Variants in LMX1A observed in about 807,000 individuals in gnomAD.
The protein encoded by LMX1A is LIM homeobox transcription factor 1 alpha.
Under a neutral mutation model 49.1 loss-of-function variants are expected in LMX1A, and 15 were observed. That is an observed-to-expected ratio of 0.31 (90% CI 0.20 to 0.47). The LOEUF (loss-of-function observed/expected upper bound fraction) is 0.47. LMX1A is among the 20% of genes least tolerant of loss of function. The probability of loss-of-function intolerance (pLI) is 1.00; values close to 1 mark genes in which losing one functional copy is unlikely to be tolerated. For synonymous variants in LMX1A, 167 were observed against 185.7 expected (o/e 0.90, Z 0.82); for missense variants, 372 against 475.8 (o/e 0.78, Z 2.03).
chr1:165,285,621 G>A (rs1431709250), intron 3 of LMX1A, among the ~76,000 whole-genome samples: 1 of 152,182 alleles, frequency 6.6e-6, no homozygotes, highest in Non-Finnish European at 1.5e-5. Flanking sequence ...AGGACCAGCT[G>A]TTCACCATCT....
intron 3 of LMX1A, among the ~76,000 whole-genome samples, chr1:165,329,673 T>TA (rs1193916874): frequency 6.7e-6 from 1 of 149,838 alleles, no homozygotes; most frequent in Non-Finnish European, 1.5e-5. Flanking sequence ...AATAAGAGGT[T>TA]AAAAAAATCA....
At chr1:165,228,704 T>C (rs1210030009) in intron 4 of LMX1A, among the ~76,000 whole-genome samples, 1 of 152,224 alleles carries the variant, frequency 6.6e-6, no homozygotes. Context: ...AGTTAGGTAA[T>C]AAGACATGGC....
chr1:165,322,496 A>G (rs1030362637), intron 3 of LMX1A, among the ~76,000 whole-genome samples: 1 of 152,234 alleles, frequency 6.6e-6, no homozygotes, highest in Non-Finnish European at 1.5e-5. Context: ...ACTTACCCAT[A>G]AAAAGGAACG....
intron 3 of LMX1A, among the ~76,000 whole-genome samples, chr1:165,330,116 C>T (rs905977698): frequency 1.3e-5 from 2 of 152,202 alleles, no homozygotes. Context: ...TATTATTATT[C>T]TCTTTTTACA....
intron 3 of LMX1A, among the ~76,000 whole-genome samples, chr1:165,256,130 G>A (rs575525498): frequency 6.6e-6 from 1 of 152,322 alleles, no homozygotes; most frequent in Admixed American, 6.5e-5. Flanking sequence ...GGTGCAGGCA[G>A]AACATGCTCC....
intron 3 of LMX1A, among the ~76,000 whole-genome samples, chr1:165,293,246 A>C (rs1654527592): frequency 6.6e-6 from 1 of 152,212 alleles, no homozygotes; most frequent in Admixed American, 6.5e-5. Flanking sequence ...GTGTTCCTTC[A>C]ATTTGAGTTT....
At chr1:165,327,431 G>A (rs1268929597) in intron 3 of LMX1A, among the ~76,000 whole-genome samples, 1 of 152,224 alleles carries the variant, frequency 6.6e-6, no homozygotes, top group Admixed American at 6.5e-5. Context: ...GCCTGACTTA[G>A]AGAAAGAGCT....
At chr1:165,240,853 C>T (rs564956488) in intron 4 of LMX1A, among the ~76,000 whole-genome samples, 1 of 152,306 alleles carries the variant, frequency 6.6e-6, no homozygotes, top group East Asian at 1.9e-4. Flanking sequence ...GCACAGAGAG[C>T]TCCATCCCCA....
intron 3 of LMX1A, among the ~76,000 whole-genome samples, chr1:165,283,407 G>A (rs1418673897): frequency 6.6e-6 from 1 of 152,186 alleles, no homozygotes; most frequent in African/African-American, 2.4e-5. Flanking sequence ...ACACATGACT[G>A]TATGTCAAGC....
At chr1:165,206,590 T>C (rs1651090785) in intron 7 of LMX1A, among the ~76,000 whole-genome samples, 2 of 152,196 alleles carry the variant, frequency 1.3e-5, no homozygotes, top group Admixed American at 1.3e-4. Context: ...TTATTTAAAC[T>C]AAGTCCCAAG....
intron 3 of LMX1A, among the ~76,000 whole-genome samples, chr1:165,257,171 G>T (rs141853727): frequency 1.4e-3 from 214 of 152,060 alleles, no homozygotes; most frequent in African/African-American, 4.9e-3. Context: ...GGGGTAAATA[G>T]AACTATTTTA....
At chr1:165,223,809 T>TAAAA (rs34471342) in intron 4 of LMX1A, among the ~76,000 whole-genome samples, 1 of 144,832 alleles carries the variant, frequency 6.9e-6, no homozygotes, top group Non-Finnish European at 1.5e-5. Context: ...GTACAAACTT[T>TAAAA]AAAAAAAAAA....
rs6703000 is a variant in LMX1A at position 165,210,637 on chromosome 1, C to A, written c.747+62G>T. 0.031 allele frequency: 39,184 copies of A among 1,265,156 alleles called. 3,036 individuals are homozygous for A. The highest frequency in any genetic ancestry group is 0.28 in the African/African-American group (19,056 of 68,148). 78.4% of individuals were successfully genotyped at this position (1,265,156 alleles called of 1,614,324 possible). On this transcript the variant is annotated intron_variant, in intron 6 of 8. Transcript: ENST00000342310. ...AAAACCTGGCAGCAAGTACAATGTC[C>A]TACTGTGATTATTTCAGGAAACCAG... is the stretch of plus-strand genomic sequence containing the variant.
At chr1:165,329,105 A>G (rs533818070) in intron 3 of LMX1A, among the ~76,000 whole-genome samples, 2 of 152,264 alleles carry the variant, frequency 1.3e-5, no homozygotes, top group Admixed American at 1.3e-4. Flanking sequence ...GCCTCAGAAA[A>G]ATTACAATCA....
At chr1:165,237,357 G>A (rs555677324) in intron 4 of LMX1A, among the ~76,000 whole-genome samples, 4 of 152,260 alleles carry the variant, frequency 2.6e-5, no homozygotes, top group Middle Eastern at 6.8e-3. Context: ...CCAAGTAGCT[G>A]GGACTACAGG....
rs141693627 is a variant in LMX1A at position 165,309,814 on chromosome 1, T to A, written c.263+43262A>T. Among the ~76,000 whole-genome samples, 545 of 152,216 alleles carry A rather than the reference T, an allele frequency of 3.6e-3. 1 individual carries two copies. The highest frequency in any genetic ancestry group is 0.013 in the African/African-American group (523 of 41,520). On this transcript the variant is annotated intron_variant, in intron 3 of 8. Transcript: ENST00000342310. ...CATAGCATCGCAACCTCTACAACAGTCACCACATTGTAAGGTGCCAGAGAG... is the reference window on the plus strand; with the variant it reads ...CATAGCATCGCAACCTCTACAACAGACACCACATTGTAAGGTGCCAGAGAG...
intron 4 of LMX1A, among the ~76,000 whole-genome samples, chr1:165,246,549 G>A: frequency 6.6e-6 from 1 of 152,064 alleles, no homozygotes; most frequent in East Asian, 1.9e-4. Flanking sequence ...TAATTAGAAC[G>A]ACATTCTAGC....
At chr1:165,248,111 G>A (rs1652923065) in intron 4 of LMX1A, among the ~76,000 whole-genome samples, 2 of 152,206 alleles carry the variant, frequency 1.3e-5, no homozygotes, top group Admixed American at 1.3e-4. Context: ...CCCAGTAGGA[G>A]AAGTTAAGGG....
At chr1:165,204,137 A>G (rs1359073055) in intron 8 of LMX1A, 97 bp from the exon 9 acceptor site, 1 of 1,315,630 alleles carries the variant, frequency 7.6e-7, no homozygotes, top group Non-Finnish European at 1.1e-6. Context: ...TTGCCTGAGC[A>G]CAGGCTCCAG....
Sources: gnomAD v4.1 joint callset for allele counts (sites outside exome capture counted in the v4.1 genomes callset) on GRCh38, gnomAD v4.1.1 for gene constraint, MANE v1.5 for transcripts, NCBI Gene and HGNC (gene_info 2026-07-23, HGNC 2026-07-21) for gene names.